G3BP2: variants seen among roughly 807,000 people sequenced by gnomAD.
G3BP2 encodes the protein ras GTPase-activating protein-binding protein 2.
G3BP2 carries 11 observed loss-of-function variants against 56.7 expected under a neutral mutation model. The observed-to-expected ratio is 0.19, with a 90% CI of 0.12 to 0.32. The LOEUF is 0.32. Among genes scored for constraint, G3BP2 ranks in the 10% least tolerant of loss-of-function variants. G3BP2 has a pLI of 1.00. For missense variants in G3BP2, 340 were observed against 610.9 expected, an observed-to-expected ratio of 0.56 and a Z score of 4.67; for synonymous variants, 165 against 191.6, an observed-to-expected ratio of 0.86 and a Z score of 1.15.
chr4:75,682,766 G>A (rs1309777961), intron 3 of G3BP2, among the ~76,000 whole-genome samples: 1 of 152,046 alleles, frequency 6.6e-6, no homozygotes, highest in Non-Finnish European at 1.5e-5. Flanking sequence ...CAGATCACGA[G>A]GTCAGGAGAT....
intron 3 of G3BP2, among the ~76,000 whole-genome samples, chr4:75,717,922 C>T (rs1719990668): frequency 6.6e-6 from 1 of 151,882 alleles, no homozygotes; most frequent in Non-Finnish European, 1.5e-5. Context: ...GGGTGGGTCA[C>T]GAGGTAAGGA....
intron 8 of G3BP2, among the ~76,000 whole-genome samples, chr4:75,649,921 G>T (rs1438465865): frequency 6.6e-6 from 1 of 152,136 alleles, no homozygotes; most frequent in East Asian, 1.9e-4. Flanking sequence ...TGAGGCAGGA[G>T]AATCGCTTGA....
intron 8 of G3BP2, among the ~76,000 whole-genome samples, chr4:75,649,726 C>A (rs1461072294): frequency 6.6e-6 from 1 of 152,120 alleles, no homozygotes; most frequent in African/African-American, 2.4e-5. Flanking sequence ...AATTTCAGTC[C>A]CATCTTTAAA....
At chr4:75,669,275 G>A (rs1733296786) in intron 1 of G3BP2, among the ~76,000 whole-genome samples, 1 of 152,018 alleles carries the variant, frequency 6.6e-6, no homozygotes, top group Non-Finnish European at 1.5e-5. Context: ...CCCAATACAC[G>A]CATGCACCAA....
chr4:75,696,480 C>G (rs576426182), intron 3 of G3BP2, among the ~76,000 whole-genome samples: 48 of 152,256 alleles, frequency 3.2e-4, no homozygotes, highest in Admixed American at 5.2e-4. Context: ...TGCCAACAGT[C>G]CTTCACCATG....
At chr4:75,679,433 G>T (rs928500650) in intron 3 of G3BP2, among the ~76,000 whole-genome samples, 2 of 152,222 alleles carry the variant, frequency 1.3e-5, no homozygotes, top group African/African-American at 4.8e-5. Context: ...ACAGGTTAGG[G>T]TATAAAGGAG....
rs1344007654 is a variant in G3BP2 at position 75,673,263 on chromosome 4, G to A, written c.-80C>T. 2 of 1,224,544 alleles carry A rather than the reference G, an allele frequency of 1.6e-6. No homozygotes were observed. The highest frequency in any genetic ancestry group is 2.0e-6 in the Non-Finnish European group (2 of 983,568). The allele number at this position is 1,224,544 out of a possible 1,614,324, so 75.9% of individuals were successfully genotyped here. A position where few individuals can be genotyped will look rare whatever the true frequency, so the allele number is the denominator to read the frequency against. On this transcript the variant is annotated 5_prime_UTR_variant, in exon 1 of 12. Transcript: ENST00000359707. ...CGCGGAGGTCAGAAGAGTCGCTGAG[G>A]ACCGGGTGCGGCGGGTTCTTATTGC...
At chr4:75,682,282 G>A (rs970582314) in intron 3 of G3BP2, among the ~76,000 whole-genome samples, 12 of 152,054 alleles carry the variant, frequency 7.9e-5, no homozygotes, top group African/African-American at 2.9e-4. Flanking sequence ...GGGTGTGGTG[G>A]CACACGCCTG....
At chr4:75,667,304 AAGAT>A (rs1475299442) in intron 1 of G3BP2, among the ~76,000 whole-genome samples, 2 of 151,702 alleles carry the variant, frequency 1.3e-5, no homozygotes, top group African/African-American at 4.8e-5. Flanking sequence ...AAAAAAAAAA[AAGAT>A]AGCCAAGATT....
intron 3 of G3BP2, among the ~76,000 whole-genome samples, chr4:75,689,991 T>C (rs1231788323): frequency 6.6e-6 from 1 of 152,198 alleles, no homozygotes; most frequent in Non-Finnish European, 1.5e-5. Flanking sequence ...GCTGGTTACA[T>C]GGGAGAGTTC....
At chr4:75,674,695 C>CATAT (rs1316726374), upstream of G3BP2, among the ~76,000 whole-genome samples, 35 of 60,692 alleles carry the variant, frequency 5.8e-4, 2 homozygotes, top group East Asian at 0.013. Flanking sequence ...TATGTATGTA[C>CATAT]ATATATATAT....
chr4:75,662,221 ATTT>A (rs33965828), intron 1 of G3BP2, 172 bp from the exon 2 acceptor site: 4,939 of 285,916 alleles, frequency 0.017, 2 homozygotes, highest in South Asian at 0.052. Context: ...ACCTGAAATA[ATTT>A]TTTTTTTTTT....
upstream of G3BP2, among the ~76,000 whole-genome samples, chr4:75,674,490 C>G (rs1733753300): frequency 6.6e-6 from 1 of 151,846 alleles, no homozygotes; most frequent in South Asian, 2.1e-4. Context: ...TACCTTTAGA[C>G]TGCTTAAAGA....
At chr4:75,686,483 TAAG>T (rs1718608285) in intron 3 of G3BP2, among the ~76,000 whole-genome samples, 2 of 148,386 alleles carry the variant, frequency 1.3e-5, no homozygotes, top group African/African-American at 5.0e-5. Flanking sequence ...GTGGGTGGTG[TAAG>T]AATGAGCCAG....
intron 7 of G3BP2, 136 bp downstream of exon 7, chr4:75,654,930 C>A (rs1042453881): frequency 1.7e-5 from 11 of 643,266 alleles, no homozygotes; most frequent in Non-Finnish European, 2.1e-5. Flanking sequence ...AGGTAACAAA[C>A]AAACCCCACA....
At chr4:75,707,477 C>T (rs957619314) in intron 3 of G3BP2, among the ~76,000 whole-genome samples, 9 of 151,702 alleles carry the variant, frequency 5.9e-5, no homozygotes, top group Non-Finnish European at 1.2e-4. Context: ...GGCATGGTGG[C>T]GGGAGCCTGT....
At chr4:75,646,673 C>A (rs1731229001) in intron 10 of G3BP2, among the ~76,000 whole-genome samples, 1 of 151,890 alleles carries the variant, frequency 6.6e-6, no homozygotes, top group Non-Finnish European at 1.5e-5. Context: ...CTTTCTGCAT[C>A]TTTGGTAGTC....
intron 3 of G3BP2, among the ~76,000 whole-genome samples, chr4:75,681,918 TAAGTA>T (rs1159780102): frequency 1.3e-5 from 2 of 151,416 alleles, no homozygotes; most frequent in Non-Finnish European, 2.9e-5. Flanking sequence ...GGGCCATTAT[TAAGTA>T]AAGTAAGGGT....
intron 9 of G3BP2, 23 bp from the exon 10 acceptor site, chr4:75,647,180 T>C: frequency 6.7e-7 from 1 of 1,489,596 alleles, no homozygotes; most frequent in Non-Finnish European, 9.1e-7. Flanking sequence ...ATAGAGCAGA[T>C]ACTAAAGTTT....
Sources: allele counts gnomAD v4.1 joint callset (sites outside exome capture counted in the v4.1 genomes callset), GRCh38; gene constraint gnomAD v4.1.1; transcripts MANE v1.5; gene names NCBI Gene and HGNC (gene_info 2026-07-23, HGNC 2026-07-21).